The following SECTM1 variants were observed in gnomAD, a reference collection of about 807,000 sequenced individuals.
SECTM1 encodes the protein secreted and transmembrane protein 1.
Under a neutral mutation model 18.1 loss-of-function variants are expected in SECTM1, and 10 were observed. That is an observed-to-expected ratio of 0.55 (90% CI 0.34 to 0.94). The LOEUF (loss-of-function observed/expected upper bound fraction) is 0.94. Among genes scored for constraint, SECTM1 ranks in the 40% least tolerant of loss-of-function variants. The probability of loss-of-function intolerance (pLI) is 0.02; values close to 1 mark genes in which losing one functional copy is unlikely to be tolerated. For missense variants in SECTM1, 297 were observed against 322.6 expected (o/e 0.92, Z 0.61); for synonymous variants, 137 against 139.2 (o/e 0.98, Z 0.11).
rs187855179 is a variant in SECTM1 at position 82,323,310 on chromosome 17, C to T, written c.404-299G>A. On this transcript the variant is annotated intron_variant, in intron 3 of 4. Coordinates refer to ENST00000269389, the MANE Select transcript of SECTM1 (RefSeq NM_003004.3). ...CGCGCTGGCCCGGTCCTTCAGGCCT[C>T]GGGGTTCTGGGGAAGAGATGCAAGG... 3.3e-3 allele frequency: 1,200 copies of T among 366,438 alleles called. 13 individuals are homozygous for T. Among genetic ancestry groups the T allele is most frequent in the Non-Finnish European group, 4.4e-3 (867 of 197,536 alleles). The allele number at this position is 366,438 out of a possible 1,614,324, so 22.7% of individuals were successfully genotyped here.
rs2052142150 is a variant in SECTM1 at position 82,325,943 on chromosome 17, T to G, written c.95-1053A>C. On this transcript the variant is annotated intron_variant, in intron 2 of 4. Transcript: ENST00000269389. This position sits in a 1 kb window ranked among gnomAD's most constrained non-coding sequence, Gnocchi z 7.6. ...CATGTGCTGGCAAGTGCCAGGGGCCTTGGTGCCCATGGGAGGAGGTGGGCT... is the reference window on the plus strand; with the variant it reads ...CATGTGCTGGCAAGTGCCAGGGGCCGTGGTGCCCATGGGAGGAGGTGGGCT... Among the ~76,000 whole-genome samples, 1 of 152,240 alleles carries G rather than the reference T, an allele frequency of 6.6e-6. No individual in the cohort carries two copies. Among genetic ancestry groups the G allele is most frequent in the South Asian group, 2.1e-4 (1 of 4,834 alleles).
At chr17:82,327,331 G>T in intron 1 of SECTM1, 39 bp from the exon 2 acceptor site, 2 of 1,194,450 alleles carry the variant, frequency 1.7e-6, no homozygotes, top group Non-Finnish European at 2.4e-6. Flanking sequence ...GCCCCCTGCA[G>T]CTGCTGAAGG....
In SECTM1 at chr17:82,327,257, G is replaced by C; in HGVS notation, c.-17C>G. On this transcript the variant is annotated 5_prime_UTR_variant, in exon 2 of 5. Coordinates refer to ENST00000269389, the MANE Select transcript of SECTM1 (RefSeq NM_003004.3). ...GGTCTGCATGGCTGGTGGGACTTGGGCCCCTGGTCCTTGTCACTGGCTCTT... is the reference window on the plus strand; with the variant it reads ...GGTCTGCATGGCTGGTGGGACTTGGCCCCCTGGTCCTTGTCACTGGCTCTT... The C allele has an allele frequency of 6.3e-7, 1 of 1,590,500 alleles. No homozygotes were observed. The highest frequency in any genetic ancestry group is 8.6e-7 in the Non-Finnish European group (1 of 1,166,940).
At chr17:82,333,083 C>G (rs568068425) in intron 1 of SECTM1, among the ~76,000 whole-genome samples, 111 of 152,334 alleles carry the variant, frequency 7.3e-4, no homozygotes, top group South Asian at 1.4e-3. Context: ...CTCACGGTTC[C>G]TGTTTCATGA....
chr17:82,331,484 A>C (rs114400287), intron 1 of SECTM1, among the ~76,000 whole-genome samples: 1,893 of 152,354 alleles, frequency 0.012, 51 homozygotes, highest in African/African-American at 0.043. Context: ...TGAGTCTCAG[A>C]TAAACAACCA....
chr17:82,331,264 G>T (rs1236537481), intron 1 of SECTM1, among the ~76,000 whole-genome samples: 1 of 152,184 alleles, frequency 6.6e-6, no homozygotes, highest in African/African-American at 2.4e-5. Flanking sequence ...GGCTCAGGGG[G>T]TAGGGAGCTG....
chr17:82,330,677 T>C lies in SECTM1; in HGVS notation c.-53+3023A>G, dbSNP rs111715114. 6.6e-6 allele frequency among the ~76,000 whole-genome samples: 1 copy of C among 151,794 alleles called. No individual in the cohort carries two copies. ...CTGTGCATTCCATGGGGCCAGCAGCTCGGTGGAGCCTCTGCTCTCGGGGGC... is the reference window on the plus strand; with the variant it reads ...CTGTGCATTCCATGGGGCCAGCAGCCCGGTGGAGCCTCTGCTCTCGGGGGC... On this transcript the variant is annotated intron_variant, in intron 1 of 4. Transcript: ENST00000269389. This position sits in a 1 kb window ranked among gnomAD's most constrained non-coding sequence, Gnocchi z 6.1.
Position 82,328,825 on chromosome 17 carries a change from G to A in SECTM1, c.-52-1533C>T, listed in dbSNP as rs896477744. ...TCGTGGCCAGGCTGCCCTGCCTCTCGGGTGCCTGCACCCCTGCTAGGAAAA... is the reference window on the plus strand; with the variant it reads ...TCGTGGCCAGGCTGCCCTGCCTCTCAGGTGCCTGCACCCCTGCTAGGAAAA... On this transcript the variant is annotated intron_variant, in intron 1 of 4. Coordinates refer to ENST00000269389, the MANE Select transcript of SECTM1 (RefSeq NM_003004.3). The surrounding 1 kb of genome is among the most constrained non-coding windows in gnomAD (Gnocchi z 5.8). Among the ~76,000 whole-genome samples, 2 of 152,104 alleles carry A rather than the reference G, an allele frequency of 1.3e-5. No homozygotes were observed. Among genetic ancestry groups the A allele is most frequent in the African/African-American group, 2.4e-5 (1 of 41,414 alleles).
chr17:82,331,825 C>T (rs532383954), intron 1 of SECTM1, among the ~76,000 whole-genome samples: 418 of 152,354 alleles, frequency 2.7e-3, no homozygotes, highest in Non-Finnish European at 3.7e-3. Flanking sequence ...TACAGGGAGA[C>T]GAGGCGCACG....
chr17:82,324,435 A>C, intron 3 of SECTM1, 147 bp downstream of exon 3: 2 of 852,274 alleles, frequency 2.3e-6, no homozygotes, highest in Admixed American at 2.7e-5. Flanking sequence ...TCTACCCGCC[A>C]ACCCTGTCTC....
rs938819741 is a variant in SECTM1, at chr17:82,328,061, C to G, written c.-52-769G>C. The G allele has an allele frequency of 6.6e-6, 1 of 151,896 alleles. No individual in the cohort carries two copies. The highest frequency in any genetic ancestry group is 1.5e-5 in the Non-Finnish European group (1 of 68,064). The allele number at this position is 151,896 out of a possible 1,614,324, so 9.4% of individuals were successfully genotyped here. On this transcript the variant is annotated intron_variant, in intron 1 of 4. Transcript: ENST00000269389. The surrounding 1 kb of genome is among the most constrained non-coding windows in gnomAD (Gnocchi z 5.8). ...CACCAGCCCCCCTCCCGGGGCAGCA[C>G]TCAGTTGCGTTCCTTTCGAATCCAT...
intron 1 of SECTM1, among the ~76,000 whole-genome samples, chr17:82,327,732 A>G (rs2052158799): frequency 2.0e-5 from 3 of 152,052 alleles, no homozygotes; most frequent in Non-Finnish European, 4.4e-5. Context: ...TTTTCCGTCT[A>G]CCTAGGAGCA....
At position 82,321,555 on chromosome 17, in the gene SECTM1, G is replaced by T. The variant is rs1228731545; in HGVS notation, c.*606C>A. ...TGCGCGTCCAGCCCCGGAGGGCGGC[G>T]TCCACCTGACCCCCCAGCCCGAGCC... On this transcript the variant is annotated 3_prime_UTR_variant, in exon 5 of 5. Coordinates refer to ENST00000269389, the MANE Select transcript of SECTM1 (RefSeq NM_003004.3). 2 of 153,212 alleles carry T rather than the reference G, an allele frequency of 1.3e-5. No individual in the cohort carries two copies. Among genetic ancestry groups the T allele is most frequent in the African/African-American group, 4.8e-5 (2 of 41,408 alleles). 9.5% of individuals were successfully genotyped at this position (153,212 alleles called of 1,614,324 possible).
In SECTM1 at chr17:82,326,850, C is replaced by T. The variant is rs2052149968; in HGVS notation, c.94+297G>A. ...CTTGGAAACTGGTCGTGATCTTGGT[C>T]CTTCCCCACAATTGCTCTGACAGTG... On this transcript the variant is annotated intron_variant, in intron 2 of 4. Coordinates refer to ENST00000269389, the MANE Select transcript of SECTM1 (RefSeq NM_003004.3). This position sits in a 1 kb window ranked among gnomAD's most constrained non-coding sequence, Gnocchi z 4.3. Among the ~76,000 whole-genome samples, 1 of 152,190 alleles carries T rather than the reference C, an allele frequency of 6.6e-6. No individual in the cohort carries two copies. The highest frequency in any genetic ancestry group is 2.4e-5 in the African/African-American group (1 of 41,440).
chr17:82,327,344 A>ACC, intron 1 of SECTM1, 52 bp from the exon 2 acceptor site: 3 of 1,064,894 alleles, frequency 2.8e-6, no homozygotes, highest in Non-Finnish European at 4.1e-6. Context: ...GCTGAAGGGG[A>ACC]CAGCGGGAGC....
chr17:82,322,006 G>A lies in SECTM1; in HGVS notation c.*155C>T, dbSNP rs1300550622. On this transcript the variant is annotated 3_prime_UTR_variant, in exon 5 of 5. Transcript: ENST00000269389. ...GAAGACCTGGGGGGTGGAGGGGAAGGGTCTGCACGCACCCAGGAGTGGGTG... is the reference window on the plus strand; with the variant it reads ...GAAGACCTGGGGGGTGGAGGGGAAGAGTCTGCACGCACCCAGGAGTGGGTG... The A allele has an allele frequency of 6.1e-6, 4 of 651,554 alleles. No homozygotes were observed. The highest frequency in any genetic ancestry group is 1.1e-5 in the Non-Finnish European group (4 of 375,370). The allele number at this position is 651,554 out of a possible 1,614,324, so 40.4% of individuals were successfully genotyped here. A position where few individuals can be genotyped will look rare whatever the true frequency, so the allele number is the denominator to read the frequency against.
In SECTM1 at chr17:82,321,827, A is replaced by AC. The variant is rs2052092175; in HGVS notation, c.*333dup. The AC allele has an allele frequency of 3.3e-5, 11 of 331,838 alleles. No homozygotes were observed. Among genetic ancestry groups the AC allele is most frequent in the South Asian group, 2.9e-4 (10 of 34,698 alleles). The allele number at this position is 331,838 out of a possible 1,614,324, so 20.6% of individuals were successfully genotyped here. A position where few individuals can be genotyped will look rare whatever the true frequency, so the allele number is the denominator to read the frequency against. ...GGAGCCCTGGGAGTGGAGAGAGCGGACCCCACACCTGGGGCCGGACCAGCC... is the reference window on the plus strand; with the variant it reads ...GGAGCCCTGGGAGTGGAGAGAGCGGACCCCCACACCTGGGGCCGGACCAGCC... On this transcript the variant is annotated 3_prime_UTR_variant, in exon 5 of 5. Coordinates refer to ENST00000269389, the MANE Select transcript of SECTM1 (RefSeq NM_003004.3).
At position 82,330,434 on chromosome 17, in the gene SECTM1, C is replaced by T. The variant is rs2052182466; in HGVS notation, c.-52-3142G>A. ...CAGAGAGCCCCGACAGCGCTGCGTCCACCCCACCTGCCCACCCAGGTGCTG... is the reference window on the plus strand; with the variant it reads ...CAGAGAGCCCCGACAGCGCTGCGTCTACCCCACCTGCCCACCCAGGTGCTG... On this transcript the variant is annotated intron_variant, in intron 1 of 4. Transcript: ENST00000269389. The surrounding 1 kb of genome is among the most constrained non-coding windows in gnomAD (Gnocchi z 6.1). Among the ~76,000 whole-genome samples, 1 of 152,178 alleles carries T rather than the reference C, an allele frequency of 6.6e-6. No homozygotes were observed. Among genetic ancestry groups the T allele is most frequent in the South Asian group, 2.1e-4 (1 of 4,828 alleles).
At position 82,321,762 on chromosome 17, in the gene SECTM1, T is replaced by G. The variant is rs1599651141; in HGVS notation, c.*399A>C. On this transcript the variant is annotated 3_prime_UTR_variant, in exon 5 of 5. Transcript: ENST00000269389. Reference sequence around the variant, plus strand: ...GGCCCCCCACAGCCCTGAACTGGAGTGTGTCTGAGGCTCCGGCAGGGGCCC... The same window carrying G: ...GGCCCCCCACAGCCCTGAACTGGAGGGTGTCTGAGGCTCCGGCAGGGGCCC... The G allele has an allele frequency of 9.8e-6, 2 of 205,106 alleles. No homozygotes were observed. Among genetic ancestry groups the G allele is most frequent in the South Asian group, 1.2e-4 (2 of 16,316 alleles). 12.7% of individuals were successfully genotyped at this position (205,106 alleles called of 1,614,324 possible).
Sources: allele counts gnomAD v4.1 joint callset (sites outside exome capture counted in the v4.1 genomes callset), GRCh38; gene constraint gnomAD v4.1.1; non-coding constraint Gnocchi (gnomAD v3.1); transcripts MANE v1.5; gene names NCBI Gene and HGNC (gene_info 2026-07-23, HGNC 2026-07-21).